COL24A1: variants seen among roughly 807,000 people sequenced by gnomAD.
The protein encoded by COL24A1 is collagen alpha-1(XXIV) chain.
A neutral mutation model predicts 253.9 loss-of-function variants in COL24A1; 224 were observed. That is an observed-to-expected ratio of 0.88 (90% CI 0.79 to 0.99). The LOEUF (loss-of-function observed/expected upper bound fraction) is 0.99, where lower values mean the gene tolerates loss of function less well. Among genes scored for constraint, COL24A1 ranks in the 50% least tolerant of loss-of-function variants. COL24A1 has a pLI of 0.00. For synonymous variants in COL24A1, 685 were observed against 673.7 expected (o/e 1.02, Z -0.26); for missense variants, 2,131 against 2,068.5 (o/e 1.03, Z -0.59).
intron 2 of COL24A1, among the ~76,000 whole-genome samples, chr1:86,133,411 G>A (rs1298917145): frequency 5.9e-5 from 9 of 152,112 alleles, no homozygotes; most frequent in Non-Finnish European, 1.3e-4. Context: ...GGTGAGAGAG[G>A]GCATCCCTGT....
At chr1:85,768,157 TA>T (rs1667565037) in intron 53 of COL24A1, among the ~76,000 whole-genome samples, 1 of 151,974 alleles carries the variant, frequency 6.6e-6, no homozygotes, top group African/African-American at 2.4e-5. Flanking sequence ...TTTCCTAGGT[TA>T]AAAAAAGGCA....
At chr1:85,847,866 A>G in intron 38 of COL24A1, 94 bp from the exon 39 acceptor site, 2 of 716,128 alleles carry the variant, frequency 2.8e-6, no homozygotes, top group East Asian at 5.4e-5. Flanking sequence ...CCTGAGGATT[A>G]TCTGGTTAAC....
intron 31 of COL24A1, among the ~76,000 whole-genome samples, chr1:85,894,204 G>A (rs923064230): frequency 6.6e-6 from 1 of 152,166 alleles, no homozygotes; most frequent in Non-Finnish European, 1.5e-5. Context: ...AGGAGACAAT[G>A]TAGGTATAGA....
rs535157244 is a variant in COL24A1, at chr1:85,935,399, C to T, written c.2563-23966G>A. On this transcript the variant is annotated intron_variant, in intron 24 of 59. Coordinates refer to ENST00000370571, the MANE Select transcript of COL24A1 (RefSeq NM_152890.7). ...CAGACCTTTTCATTGGAGGGTAATA[C>T]TATGACTTGACAAGTAGGAATGAAC... Among the ~76,000 whole-genome samples the T allele has an allele frequency of 2.7e-5, 4 of 147,534 alleles. 1 individual carries two copies. The highest frequency in any genetic ancestry group is 9.9e-5 in the African/African-American group (4 of 40,316).
At chr1:86,059,097 A>G (rs1329416633) in intron 9 of COL24A1, 24 bp downstream of exon 9, 1 of 1,554,444 alleles carries the variant, frequency 6.4e-7, no homozygotes, top group Non-Finnish European at 8.8e-7. Flanking sequence ...CACAAAGAGA[A>G]AAGTCTAAAT....
At chr1:86,102,404 G>A (rs1352247838) in intron 5 of COL24A1, among the ~76,000 whole-genome samples, 3 of 151,894 alleles carry the variant, frequency 2.0e-5, no homozygotes, top group Non-Finnish European at 4.4e-5. Flanking sequence ...CTCTGATTTT[G>A]GTTATTTCTT....
chr1:85,822,928 A>G (rs1673810845), intron 45 of COL24A1, among the ~76,000 whole-genome samples: 1 of 152,094 alleles, frequency 6.6e-6, no homozygotes, highest in African/African-American at 2.4e-5. Flanking sequence ...GGTCAGTTTA[A>G]CCAAAATTCC....
At chr1:85,799,230 A>AGAAAGAAAGAAAGAAAGAAAGAAAGAAG (rs1671157157) in intron 47 of COL24A1, among the ~76,000 whole-genome samples, 1 of 151,860 alleles carries the variant, frequency 6.6e-6, no homozygotes, top group African/African-American at 2.4e-5. Flanking sequence ...AAAGAAAGAA[A>AGAAAGAAAGAAAGAAAGAAAGAAAGAAG]GAAAGAAAGA....
chr1:85,747,768 T>C (rs1396405640), intron 55 of COL24A1, among the ~76,000 whole-genome samples: 2 of 152,206 alleles, frequency 1.3e-5, no homozygotes, highest in Non-Finnish European at 2.9e-5. Context: ...TTATACCTTA[T>C]ACCAAAACTT....
At chr1:85,822,506 C>CT (rs1172052250) in intron 45 of COL24A1, among the ~76,000 whole-genome samples, 2 of 152,198 alleles carry the variant, frequency 1.3e-5, no homozygotes, top group Non-Finnish European at 2.9e-5. Context: ...GAGGCAATGT[C>CT]TATCTGGCCA....
chr1:86,039,520 T>A (rs909398275), intron 12 of COL24A1, among the ~76,000 whole-genome samples: 2 of 152,032 alleles, frequency 1.3e-5, no homozygotes, highest in Non-Finnish European at 2.9e-5. Flanking sequence ...ACAAAAGCAA[T>A]ACAAAAACCC....
chr1:85,902,757 G>T (rs928684891), intron 28 of COL24A1, among the ~76,000 whole-genome samples: 2 of 152,144 alleles, frequency 1.3e-5, no homozygotes, highest in African/African-American at 4.8e-5. Context: ...GCTGGGAAGG[G>T]TGTATGGATG....
intron 57 of COL24A1, among the ~76,000 whole-genome samples, chr1:85,737,994 A>C (rs1664234285): frequency 6.6e-6 from 1 of 152,226 alleles, no homozygotes; most frequent in Non-Finnish European, 1.5e-5. Flanking sequence ...GATACTAAAA[A>C]TGCTGTATTT....
At chr1:86,080,692 C>A (rs1702575045) in intron 7 of COL24A1, among the ~76,000 whole-genome samples, 1 of 151,508 alleles carries the variant, frequency 6.6e-6, no homozygotes, top group African/African-American at 2.4e-5. Context: ...AAATTTGAGC[C>A]CTAAAAATAT....
intron 57 of COL24A1, among the ~76,000 whole-genome samples, chr1:85,740,202 GA>G (rs750640127): frequency 2.0e-4 from 31 of 152,166 alleles, no homozygotes; most frequent in Non-Finnish European, 3.7e-4. Flanking sequence ...CAACTGTTGT[GA>G]TGGGCATCCT....
intron 57 of COL24A1, among the ~76,000 whole-genome samples, chr1:85,740,457 CTCT>C (rs1664489564): frequency 7.1e-6 from 1 of 140,802 alleles, no homozygotes; most frequent in East Asian, 2.7e-4. Flanking sequence ...TCTACCTTCT[CTCT>C]CTTTTTGAAA....
At chr1:85,788,786 C>T (rs1207142647) in intron 47 of COL24A1, among the ~76,000 whole-genome samples, 2 of 152,160 alleles carry the variant, frequency 1.3e-5, no homozygotes, top group African/African-American at 4.8e-5. Context: ...TATGGCTAGC[C>T]AGTTCCCCCA....
intron 7 of COL24A1, among the ~76,000 whole-genome samples, chr1:86,084,426 C>T (rs1702895021): frequency 6.6e-6 from 1 of 152,226 alleles, no homozygotes; most frequent in South Asian, 2.1e-4. Context: ...ATACTTCCCT[C>T]AGGCATACAA....
At chr1:85,847,856 C>T in intron 38 of COL24A1, 84 bp from the exon 39 acceptor site, 1 of 768,126 alleles carries the variant, frequency 1.3e-6, no homozygotes, top group Non-Finnish European at 2.2e-6. Flanking sequence ...CTGAATAGCT[C>T]CTGAGGATTA....
Sources: gnomAD v4.1 joint callset for allele counts (sites outside exome capture counted in the v4.1 genomes callset) on GRCh38, gnomAD v4.1.1 for gene constraint, MANE v1.5 for transcripts, NCBI Gene and HGNC (gene_info 2026-07-23, HGNC 2026-07-21) for gene names.